Variants in PID1 observed in about 807,000 individuals in gnomAD.
PID1 encodes the protein phosphotyrosine interaction domain containing 1.
Under a neutral mutation model 19.1 loss-of-function variants are expected in PID1, and 10 were observed. That is an observed-to-expected ratio of 0.52 (90% CI 0.32 to 0.89). The LOEUF (loss-of-function observed/expected upper bound fraction) is 0.89, where lower values mean the gene tolerates loss of function less well. Ranked by LOEUF, PID1 falls within the 40% of genes least tolerant of loss-of-function variation. PID1 has a pLI of 0.03. For missense variants in PID1, 248 were observed against 285.3 expected (o/e 0.87, Z 0.94); for synonymous variants, 130 against 116.0 (o/e 1.12, Z -0.78).
intron 1 of PID1, among the ~76,000 whole-genome samples, chr2:229,157,559 A>T (rs1690400704): frequency 6.6e-6 from 1 of 152,128 alleles, no homozygotes; most frequent in Non-Finnish European, 1.5e-5. Context: ...CATCCTTACC[A>T]CCCACCTTCA....
chr2:229,260,205 G>T (rs1161433119), intron 1 of PID1, among the ~76,000 whole-genome samples: 1 of 151,966 alleles, frequency 6.6e-6, no homozygotes, highest in East Asian at 1.9e-4. Flanking sequence ...TGGCAGTTCA[G>T]CCTAAAGAAA....
At chr2:229,230,402 T>A (rs1193037700) in intron 1 of PID1, among the ~76,000 whole-genome samples, 3 of 152,226 alleles carry the variant, frequency 2.0e-5, no homozygotes, top group Non-Finnish European at 4.4e-5. Flanking sequence ...GATTCTTTGG[T>A]AAGTTTTGCA....
In PID1 at chr2:229,222,785, A is replaced by G. The variant is rs376505172; in HGVS notation, c.30+48229T>C. On this transcript the variant is annotated intron_variant, in intron 1 of 2. Transcript: ENST00000392055. ...GGACTTCTAAGGAACCTACACCATCAGCTCTGCTGGGTCCGGATTTCTCAG... is the reference window on the plus strand; with the variant it reads ...GGACTTCTAAGGAACCTACACCATCGGCTCTGCTGGGTCCGGATTTCTCAG... Among the ~76,000 whole-genome samples the G allele has an allele frequency of 3.3e-5, 5 of 152,130 alleles. No individual in the cohort carries two copies. The East Asian group carries it at 9.7e-4, about 29-fold the overall frequency.
intron 1 of PID1, among the ~76,000 whole-genome samples, chr2:229,246,832 G>A (rs2106280595): frequency 6.6e-6 from 1 of 152,244 alleles, no homozygotes; most frequent in South Asian, 2.1e-4. Context: ...GTCAGCACAA[G>A]AAGTCGCCTA....
intron 1 of PID1, among the ~76,000 whole-genome samples, chr2:229,255,561 C>A (rs1338726667): frequency 1.3e-5 from 2 of 152,066 alleles, no homozygotes; most frequent in African/African-American, 4.8e-5. Context: ...TGTTGAAATC[C>A]ATTAAATTAA....
intron 1 of PID1, among the ~76,000 whole-genome samples, chr2:229,182,086 T>A (rs867817550): frequency 6.6e-6 from 1 of 152,096 alleles, no homozygotes; most frequent in African/African-American, 2.4e-5. Context: ...ACACAAAGGA[T>A]TTTTAGGGCA....
At chr2:229,129,834 G>A (rs760751636) in intron 2 of PID1, among the ~76,000 whole-genome samples, 47 of 152,248 alleles carry the variant, frequency 3.1e-4, no homozygotes, top group Non-Finnish European at 5.7e-4. Flanking sequence ...CTCCTCCGGA[G>A]ACTAGCACCC....
chr2:229,139,083 G>GAAAGAAAT (rs1416638111), intron 2 of PID1, among the ~76,000 whole-genome samples: 1 of 64,872 alleles, frequency 1.5e-5, no homozygotes, highest in South Asian at 5.8e-4. Flanking sequence ...AAGAAAGAAA[G>GAAAGAAAT]AAAGAAAGAA....
rs117278116 is a variant in PID1, at chr2:229,237,692, G to A, written c.30+33322C>T. On this transcript the variant is annotated intron_variant, in intron 1 of 2. Transcript: ENST00000392055. The stretch of plus-strand genomic sequence containing the variant: ...ATCCTAACATAAATAAGAAATTGGA[G>A]TAAAAGTGACATTTCTTAAATATCT... Among the ~76,000 whole-genome samples the A allele has an allele frequency of 1.8e-3, 280 of 152,152 alleles. 3 individuals carry two copies. The highest frequency in any genetic ancestry group is 0.015 in the East Asian group (80 of 5,180).
intron 1 of PID1, among the ~76,000 whole-genome samples, chr2:229,193,622 A>G (rs1416145528): frequency 6.6e-6 from 1 of 152,044 alleles, no homozygotes; most frequent in East Asian, 1.9e-4. Context: ...GATATTACAG[A>G]AGAGGGCTGT....
At chr2:229,224,894 A>T (rs1486604243) in intron 1 of PID1, among the ~76,000 whole-genome samples, 1 of 151,958 alleles carries the variant, frequency 6.6e-6, no homozygotes, top group Admixed American at 6.6e-5. Context: ...GTAGCAAGTC[A>T]TTTGGCCTGA....
chr2:229,220,699 C>T (rs1180027771), intron 1 of PID1, among the ~76,000 whole-genome samples: 2 of 151,986 alleles, frequency 1.3e-5, no homozygotes, highest in South Asian at 2.1e-4. Context: ...AGTGTTTGCC[C>T]GTATCAAATA....
At chr2:229,206,950 A>G (rs1019325298) in intron 1 of PID1, among the ~76,000 whole-genome samples, 1 of 152,122 alleles carries the variant, frequency 6.6e-6, no homozygotes. Context: ...TTACATTTCT[A>G]TCAGGCTCCC....
At chr2:229,118,864 G>T (rs569234330) in intron 2 of PID1, among the ~76,000 whole-genome samples, 34 of 152,244 alleles carry the variant, frequency 2.2e-4, no homozygotes, top group African/African-American at 7.9e-4. Flanking sequence ...AAAAAACTAA[G>T]ATCTTGACCA....
intron 1 of PID1, among the ~76,000 whole-genome samples, chr2:229,256,456 A>C (rs1435325076): frequency 2.0e-5 from 3 of 152,222 alleles, no homozygotes; most frequent in Non-Finnish European, 4.4e-5. Context: ...AGCACCCTGG[A>C]CAATGGAATG....
chr2:229,208,547 A>G (rs1691658745), intron 1 of PID1, among the ~76,000 whole-genome samples: 1 of 152,230 alleles, frequency 6.6e-6, no homozygotes, highest in Non-Finnish European at 1.5e-5. Context: ...GAGATCTAGG[A>G]GCTTTTCTCA....
At chr2:229,052,989 C>T (rs1574588135) in intron 2 of PID1, among the ~76,000 whole-genome samples, 1 of 152,102 alleles carries the variant, frequency 6.6e-6, no homozygotes, top group East Asian at 1.9e-4. Context: ...ATTATGAAAG[C>T]TGTATTTAAT....
intron 1 of PID1, among the ~76,000 whole-genome samples, chr2:229,160,132 C>G (rs1347306248): frequency 6.6e-6 from 1 of 152,236 alleles, no homozygotes; most frequent in African/African-American, 2.4e-5. Context: ...TTCTGCCACA[C>G]AGCAATTTTC....
intron 1 of PID1, among the ~76,000 whole-genome samples, chr2:229,263,559 A>C (rs1404272360): frequency 6.6e-6 from 1 of 152,202 alleles, no homozygotes; most frequent in Non-Finnish European, 1.5e-5. Flanking sequence ...CCTCAGGCCA[A>C]GGTATGACCA....
Sources: gnomAD v4.1 joint callset for allele counts (sites outside exome capture counted in the v4.1 genomes callset) on GRCh38, gnomAD v4.1.1 for gene constraint, MANE v1.5 for transcripts, NCBI Gene and HGNC (gene_info 2026-07-23, HGNC 2026-07-21) for gene names.